Variants in LARP1B observed in about 807,000 individuals in gnomAD.
LARP1B encodes the protein la-related protein 1B.
LARP1B carries 76 observed loss-of-function variants against 114.2 expected under a neutral mutation model. The observed-to-expected ratio is 0.67, with a 90% CI of 0.55 to 0.81. The LOEUF (loss-of-function observed/expected upper bound fraction) is 0.81. Among genes scored for constraint, LARP1B ranks in the 30% least tolerant of loss-of-function variants. LARP1B has a pLI of 0.00. For missense variants in LARP1B, 1,014 were observed against 1,075.8 expected (o/e 0.94, Z 0.80); for synonymous variants, 345 against 348.0 (o/e 0.99, Z 0.10).
intron 15 of LARP1B, among the ~76,000 whole-genome samples, chr4:128,192,845 A>G (rs988371655): frequency 6.7e-6 from 1 of 148,674 alleles, no homozygotes; most frequent in African/African-American, 2.5e-5. Context: ...TTTTTTTTTT[A>G]AATTAGAGAC....
At chr4:128,208,756 G>T (rs1281365916) in intron 19 of LARP1B, among the ~76,000 whole-genome samples, 1 of 152,150 alleles carries the variant, frequency 6.6e-6, no homozygotes, top group Non-Finnish European at 1.5e-5. Context: ...TTGAATGCAG[G>T]ATACCTTTTC....
intron 9 of LARP1B, chr4:128,108,778 T>G (rs1782951962): frequency 1.0e-6 from 1 of 985,136 alleles, no homozygotes; most frequent in Non-Finnish European, 1.2e-6. Context: ...TCACAAGGCA[T>G]TGGGTAAGTT....
At chr4:128,176,156 T>G (rs1745842442) in intron 12 of LARP1B, among the ~76,000 whole-genome samples, 1 of 131,288 alleles carries the variant, frequency 7.6e-6, no homozygotes, top group South Asian at 2.4e-4. Context: ...ATATTATATA[T>G]ATAAATATAT....
chr4:128,197,881 T>G (rs1273205662), intron 15 of LARP1B, among the ~76,000 whole-genome samples: 1 of 86,614 alleles, frequency 1.2e-5, no homozygotes, highest in Non-Finnish European at 2.6e-5. Flanking sequence ...CGATTGTAGC[T>G]TTTTTTTTTT....
chr4:128,088,349 G>A (rs991190948), intron 5 of LARP1B, among the ~76,000 whole-genome samples: 18 of 152,104 alleles, frequency 1.2e-4, no homozygotes, highest in Admixed American at 1.2e-3. Context: ...TTTCTTTCAT[G>A]TTTTGAAATC....
rs1368232523 is a variant in LARP1B, at chr4:128,155,298, G to A, written c.1525-6896G>A. Reference sequence around the variant, plus strand: ...AAATCTGTGTGAAGGCACAGTAGAGGGCCAAGACAGTAAAACATCATGTGG... The same window carrying A: ...AAATCTGTGTGAAGGCACAGTAGAGAGCCAAGACAGTAAAACATCATGTGG... On this transcript the variant is annotated intron_variant, in intron 11 of 19. Transcript: ENST00000326639. 6.0e-6 allele frequency: 3 copies of A among 497,428 alleles called. No homozygotes were observed. The Admixed American group carries it at 9.9e-5, about 16-fold the overall frequency. 30.8% of individuals were successfully genotyped at this position (497,428 alleles called of 1,614,324 possible).
chr4:128,114,649 G>A lies in LARP1B; in HGVS notation c.1068G>A (p.Met356Ile), dbSNP rs148150188. 4 of 1,613,852 alleles carry A rather than the reference G, an allele frequency of 2.5e-6. No individual in the cohort carries two copies. Among genetic ancestry groups the A allele is most frequent in the Non-Finnish European group, 3.4e-6 (4 of 1,179,858 alleles). Reference protein sequence around the residue: ...KNSETSILQAMSRGLSTSLPD... With the variant: ...KNSETSILQAISRGLSTSLPD... ...GTGAAACAAGTATTCTTCAAGCAAT[G>A]TCTAGAGGTTTGTCTACCAGTTTGC... Residue 356 changes from methionine to isoleucine, a missense_variant, in exon 10 of 20, where the codon ATG becomes ATA. Physicochemically the swap from Met to Ile is conservative, Grantham distance 10. Transcript: ENST00000326639.
At chr4:128,157,389 T>C (rs1561441741) in intron 11 of LARP1B, among the ~76,000 whole-genome samples, 1 of 152,120 alleles carries the variant, frequency 6.6e-6, no homozygotes, top group Non-Finnish European at 1.5e-5. Flanking sequence ...CACATATCAT[T>C]GGATCCTCCA....
chr4:128,111,733 C>T (rs752970489), intron 9 of LARP1B, among the ~76,000 whole-genome samples: 1 of 152,034 alleles, frequency 6.6e-6, no homozygotes, highest in South Asian at 2.1e-4. Context: ...GTTCTTGTCC[C>T]CCAGGCTGGA....
chr4:128,147,955 GT>G (rs1402432294), intron 11 of LARP1B, among the ~76,000 whole-genome samples: 4 of 152,086 alleles, frequency 2.6e-5, no homozygotes, highest in African/African-American at 9.6e-5. Context: ...GTAATAAAAA[GT>G]TTCTTGACAT....
chr4:128,118,426 CG>C (rs753336791), intron 10 of LARP1B, among the ~76,000 whole-genome samples: 2 of 150,554 alleles, frequency 1.3e-5, no homozygotes, highest in Non-Finnish European at 3.0e-5. Flanking sequence ...TTAGTAGAGA[CG>C]GGGTTTCATC....
At chr4:128,183,614 T>A (rs1350844282) in intron 15 of LARP1B, among the ~76,000 whole-genome samples, 1 of 152,208 alleles carries the variant, frequency 6.6e-6, no homozygotes, top group Non-Finnish European at 1.5e-5. Flanking sequence ...GCTAACACAT[T>A]TATTCTGCAG....
intron 15 of LARP1B, among the ~76,000 whole-genome samples, chr4:128,183,164 T>A (rs1221139772): frequency 6.6e-6 from 1 of 152,092 alleles, no homozygotes; most frequent in Non-Finnish European, 1.5e-5. Context: ...GGTCTAGATC[T>A]GAAAAAAAAG....
chr4:128,116,573 CTG>C (rs879672096), intron 10 of LARP1B, among the ~76,000 whole-genome samples: 10 of 152,074 alleles, frequency 6.6e-5, no homozygotes, highest in East Asian at 1.9e-4. Context: ...ATAAGGAGAA[CTG>C]TGTAGTTTTA....
intron 1 of LARP1B, among the ~76,000 whole-genome samples, chr4:128,064,036 C>T (rs948971476): frequency 3.3e-5 from 5 of 151,962 alleles, no homozygotes; most frequent in Non-Finnish European, 7.4e-5. Flanking sequence ...CTTTGGGAGG[C>T]CGAGGCGGGT....
downstream of LARP1B, among the ~76,000 whole-genome samples, chr4:128,214,494 C>T (rs944667612): frequency 4.6e-5 from 7 of 151,998 alleles, no homozygotes; most frequent in Non-Finnish European, 8.8e-5. Flanking sequence ...GGTCCCTGAC[C>T]CCTGACCCCC....
At chr4:128,220,219 C>T in intron 6 of LARP1B, 1 of 171,630 alleles carries the variant, frequency 5.8e-6, no homozygotes, top group Non-Finnish European at 1.2e-5. Flanking sequence ...TAGTTTGGAA[C>T]TCCACTCTGA....
chr4:128,174,712 A>G (rs1379813138), intron 12 of LARP1B, among the ~76,000 whole-genome samples: 2 of 152,026 alleles, frequency 1.3e-5, no homozygotes, highest in African/African-American at 4.8e-5. Context: ...TTTAATCTGT[A>G]CCTTGCCTCC....
intron 11 of LARP1B, among the ~76,000 whole-genome samples, chr4:128,136,900 T>C (rs549018308): frequency 1.9e-4 from 29 of 152,250 alleles, no homozygotes; most frequent in Admixed American, 8.5e-4. Context: ...CTGCACCTGG[T>C]CAAGCTAGTG....
Sources: allele counts gnomAD v4.1 joint callset (sites outside exome capture counted in the v4.1 genomes callset), GRCh38; gene constraint gnomAD v4.1.1; transcripts MANE v1.5; gene names NCBI Gene and HGNC (gene_info 2026-07-23, HGNC 2026-07-21).